The following CMIP variants were observed in gnomAD, a reference collection of about 807,000 sequenced individuals.
CMIP encodes C-Maf-inducing protein.
Under a neutral mutation model 97.3 loss-of-function variants are expected in CMIP, and 13 were observed. That is an observed-to-expected ratio of 0.13 (90% CI 0.09 to 0.21). The LOEUF is 0.21. Among genes scored for constraint, CMIP ranks in the 10% least tolerant of loss-of-function variants. The pLI is 1.00. For missense variants in CMIP, 847 were observed against 1,024.9 expected (o/e 0.83, Z 2.37); for synonymous variants, 538 against 436.3 (o/e 1.23, Z -2.91).
intron 1 of CMIP, among the ~76,000 whole-genome samples, chr16:81,538,586 A>G (rs1263521956): frequency 1.3e-5 from 2 of 152,200 alleles, no homozygotes; most frequent in African/African-American, 4.8e-5. Flanking sequence ...ACCATTTTAT[A>G]AGATTTTCTT....
intron 1 of CMIP, among the ~76,000 whole-genome samples, chr16:81,563,313 G>A (rs1363966307): frequency 6.6e-6 from 1 of 152,252 alleles, no homozygotes; most frequent in Non-Finnish European, 1.5e-5. Context: ...GGAGCCAGAA[G>A]TCCTGAGTTC....
At chr16:81,610,533 G>C in intron 2 of CMIP, 1 of 985,558 alleles carries the variant, frequency 1.0e-6, no homozygotes, top group Non-Finnish European at 1.2e-6. Flanking sequence ...CCCCCAAGGG[G>C]AACCCAGGTG....
chr16:81,572,894 C>T (rs1014708133), intron 1 of CMIP, among the ~76,000 whole-genome samples: 10 of 152,196 alleles, frequency 6.6e-5, no homozygotes, highest in African/African-American at 9.7e-5. Flanking sequence ...GAACCCCCTC[C>T]GTCTCAGACA....
chr16:81,688,485 C>T (rs1057050903), intron 10 of CMIP, among the ~76,000 whole-genome samples: 1 of 152,204 alleles, frequency 6.6e-6, no homozygotes, highest in African/African-American at 2.4e-5. Context: ...AACCTCTGAG[C>T]CTCCAGTTCG....
At chr16:81,491,442 G>T (rs1349886257) in intron 1 of CMIP, among the ~76,000 whole-genome samples, 1 of 152,214 alleles carries the variant, frequency 6.6e-6, no homozygotes, top group Non-Finnish European at 1.5e-5. Flanking sequence ...GGAAGATTAT[G>T]TGTGGGAAAG....
At chr16:81,654,135 G>A (rs1292242615) in intron 4 of CMIP, among the ~76,000 whole-genome samples, 6 of 152,158 alleles carry the variant, frequency 3.9e-5, no homozygotes, top group African/African-American at 7.2e-5. Context: ...GGCAGCAGAC[G>A]TGCCCCATTG....
At chr16:81,535,346 T>G (rs1281376872) in intron 1 of CMIP, among the ~76,000 whole-genome samples, 1 of 152,178 alleles carries the variant, frequency 6.6e-6, no homozygotes, top group African/African-American at 2.4e-5. Context: ...AGCCAAATGC[T>G]GTCTGAGAAT....
intron 7 of CMIP, among the ~76,000 whole-genome samples, chr16:81,668,250 G>A (rs564694890): frequency 7.5e-4 from 114 of 152,250 alleles, no homozygotes; most frequent in African/African-American, 2.5e-3. Flanking sequence ...ATGGAGGGTC[G>A]GGGGCAGGAC....
At chr16:81,630,123 C>T (rs1365694086) in intron 3 of CMIP, 1 of 152,258 alleles carries the variant, frequency 6.6e-6, no homozygotes, top group Non-Finnish European at 1.5e-5. Flanking sequence ...CTCTGGGCCT[C>T]TTGAGTCAAA....
Position 81,545,836 on chromosome 16 carries a change from T to C in CMIP, c.301-61731T>C, listed in dbSNP as rs569566856. 3.3e-5 allele frequency among the ~76,000 whole-genome samples: 5 copies of C among 152,262 alleles called. No individual in the cohort carries two copies. In the South Asian group the frequency reaches 1.0e-3, roughly 32 times the overall value. ...TTTGCACAGGATTTTCCACACACAG[T>C]ACAAGTCTGGGTCTCGGCTGAATGA... On this transcript the variant is annotated intron_variant, in intron 1 of 20. Transcript: ENST00000537098.
At chr16:81,576,505 G>A (rs532815271) in intron 1 of CMIP, among the ~76,000 whole-genome samples, 2 of 152,244 alleles carry the variant, frequency 1.3e-5, no homozygotes, top group South Asian at 4.1e-4. Flanking sequence ...TCAGTTGTAC[G>A]TCTCTGAATT....
At chr16:81,495,294 G>A (rs2089468476) in intron 1 of CMIP, 1 of 1,429,362 alleles carries the variant, frequency 7.0e-7, no homozygotes, top group Non-Finnish European at 9.2e-7. Context: ...GAACCCTCTG[G>A]GGCGGGGCCC....
intron 1 of CMIP, among the ~76,000 whole-genome samples, chr16:81,579,806 A>C (rs1211544934): frequency 6.6e-6 from 1 of 152,138 alleles, no homozygotes; most frequent in South Asian, 2.1e-4. Flanking sequence ...ATACAAAAAA[A>C]TTAGCTGGGC....
At chr16:81,525,170 G>T (rs1472437214) in intron 1 of CMIP, among the ~76,000 whole-genome samples, 2 of 151,112 alleles carry the variant, frequency 1.3e-5, no homozygotes, top group African/African-American at 2.4e-5. Context: ...TTGAGATGGA[G>T]TCTTGCTCAG....
chr16:81,491,380 G>A (rs542884513), intron 1 of CMIP, among the ~76,000 whole-genome samples: 3 of 152,272 alleles, frequency 2.0e-5, no homozygotes, highest in South Asian at 2.1e-4. Context: ...GTAAAAACGG[G>A]GTTAGTAAAA....
intron 7 of CMIP, chr16:81,666,201 G>A (rs1247703944): frequency 6.6e-6 from 1 of 152,176 alleles, no homozygotes; most frequent in African/African-American, 2.4e-5. Context: ...ATCACTACGG[G>A]TGTAGTGTAT....
intron 10 of CMIP, among the ~76,000 whole-genome samples, chr16:81,688,855 G>T (rs772624440): frequency 1.3e-5 from 2 of 152,028 alleles, no homozygotes; most frequent in South Asian, 2.1e-4. Flanking sequence ...TCCCCACCCC[G>T]TGGCCAAGTG....
intron 10 of CMIP, among the ~76,000 whole-genome samples, chr16:81,681,627 C>T (rs930091037): frequency 2.0e-5 from 3 of 152,224 alleles, no homozygotes; most frequent in Admixed American, 6.5e-5. Context: ...GCCGCTTGAC[C>T]ATACTATTGA....
intron 1 of CMIP, among the ~76,000 whole-genome samples, chr16:81,580,826 C>T (rs1367974860): frequency 6.6e-6 from 1 of 152,094 alleles, no homozygotes; most frequent in Non-Finnish European, 1.5e-5. Flanking sequence ...CATAGTTCAG[C>T]GGCCTTTAGC....
Sources: gnomAD v4.1 joint callset for allele counts (sites outside exome capture counted in the v4.1 genomes callset) on GRCh38, gnomAD v4.1.1 for gene constraint, MANE v1.5 for transcripts, NCBI Gene and HGNC (gene_info 2026-07-23, HGNC 2026-07-21) for gene names.